Variants in SIPA1L1 observed in about 807,000 individuals in gnomAD.
SIPA1L1 encodes signal induced proliferation associated 1 like 1.
Under a neutral mutation model 162.7 loss-of-function variants are expected in SIPA1L1, and 26 were observed. The ratio of observed to expected loss-of-function variants is 0.16; its 90% CI spans 0.12 to 0.22. The LOEUF (loss-of-function observed/expected upper bound fraction) is 0.22, where lower values mean the gene tolerates loss of function less well. SIPA1L1 is among the 10% of genes least tolerant of loss of function. SIPA1L1 has a pLI of 1.00. For missense variants in SIPA1L1, 1,874 were observed against 2,241.0 expected, an observed-to-expected ratio of 0.84 and a Z score of 3.31; for synonymous variants, 829 against 837.4, an observed-to-expected ratio of 0.99 and a Z score of 0.17.
chr14:71,708,051 A>T (rs2082601480), intron 16 of SIPA1L1, among the ~76,000 whole-genome samples: 2 of 135,708 alleles, frequency 1.5e-5, no homozygotes, highest in South Asian at 2.3e-4. Flanking sequence ...TTTTTTGGAG[A>T]AATGTCTATT....
intron 2 of SIPA1L1, among the ~76,000 whole-genome samples, chr14:71,461,080 C>G (rs1252537861): frequency 2.0e-5 from 3 of 152,178 alleles, no homozygotes; most frequent in Non-Finnish European, 4.4e-5. Context: ...CATGAGTCTA[C>G]AGATAGTAGT....
chr14:71,658,638 C>T (rs1297471493), intron 9 of SIPA1L1, among the ~76,000 whole-genome samples: 1 of 152,204 alleles, frequency 6.6e-6, no homozygotes, highest in Admixed American at 6.5e-5. Flanking sequence ...TAACAGCCAG[C>T]TGGATGCCTT....
intron 4 of SIPA1L1, among the ~76,000 whole-genome samples, chr14:71,570,648 A>C (rs1046915975): frequency 6.6e-6 from 1 of 152,222 alleles, no homozygotes; most frequent in African/African-American, 2.4e-5. Context: ...TAGCATGTAA[A>C]AGACAGTGAT....
In SIPA1L1 at chr14:71,589,169, A is replaced by C. The variant is rs773783776; in HGVS notation, c.1297A>C (p.Lys433Gln). ...GEGERKISLSKSNSGSFSGCE... is the reference protein window; with the variant it reads ...GEGERKISLSQSNSGSFSGCE... ...AGGGGAGAGGAAAATCAGCCTTTCA[A>C]AATCAAATTCTGGCTCCTTTAGTGG... Residue 433 changes from lysine (K) to glutamine (Q), a missense_variant, in exon 5 of 24, where the codon AAA (lysine) becomes CAA (glutamine). By Grantham distance (53) the Lys-to-Gln change is moderately conservative. This residue lies in a region of SIPA1L1 where 685 missense variants were observed against 828.0 expected (regional missense o/e 0.83). Transcript: ENST00000381232. 6.2e-7 allele frequency: 1 copy of C among 1,614,114 alleles called. No homozygotes were observed.
intron 2 of SIPA1L1, among the ~76,000 whole-genome samples, chr14:71,399,968 G>T (rs372890528): frequency 2.6e-5 from 4 of 151,756 alleles, no homozygotes; most frequent in Non-Finnish European, 5.9e-5. Context: ...TGATCCACCC[G>T]CCTCGGCCTC....
At chr14:71,543,844 A>ATATG (rs377178035) in intron 4 of SIPA1L1, among the ~76,000 whole-genome samples, 151 of 144,638 alleles carry the variant, frequency 1.0e-3, no homozygotes, top group Non-Finnish European at 1.8e-3. Flanking sequence ...TATCATATGT[A>ATATG]TGTGTATATA....
Position 71,739,625 on chromosome 14 carries a change from A to G in SIPA1L1, c.*464A>G, listed in dbSNP as rs1221224426. On this transcript the variant is annotated 3_prime_UTR_variant, in exon 24 of 24. Transcript: ENST00000381232. ...ACTTGTTTGGGGAGTAGAGAGGGAT[A>G]TTTCCTTACCTTCTTCCCTAAAATG... 1 of 152,330 alleles carries G rather than the reference A, an allele frequency of 6.6e-6. No homozygotes were observed. Among genetic ancestry groups the G allele is most frequent in the Non-Finnish European group, 1.5e-5 (1 of 68,144 alleles). The allele number at this position is 152,330 out of a possible 1,614,324, so 9.4% of individuals were successfully genotyped here.
In SIPA1L1 at chr14:71,575,453, A is replaced by G. The variant is rs1470635854; in HGVS notation, c.-302-12118A>G. Among the ~76,000 whole-genome samples the G allele has an allele frequency of 2.6e-5, 4 of 152,192 alleles. No homozygotes were observed. In the East Asian group the frequency reaches 5.8e-4, roughly 22 times the overall value. On this transcript the variant is annotated intron_variant, in intron 4 of 23. Coordinates refer to ENST00000381232, the MANE Select transcript of SIPA1L1 (RefSeq NM_001386936.1). ...TCAATTATTAAAATTTTCAGTAAGCATATAACCGGGTTCAAAAATGACTGA... is the reference window on the plus strand; with the variant it reads ...TCAATTATTAAAATTTTCAGTAAGCGTATAACCGGGTTCAAAAATGACTGA...
intron 2 of SIPA1L1, among the ~76,000 whole-genome samples, chr14:71,506,560 C>T (rs892934945): frequency 2.0e-5 from 3 of 152,032 alleles, no homozygotes; most frequent in East Asian, 1.9e-4. Flanking sequence ...AGACAGGTCT[C>T]GAACTCTTGA....
rs56861516 is a variant in SIPA1L1 at position 71,568,408 on chromosome 14, C to T, written c.-302-19163C>T. On this transcript the variant is annotated intron_variant, in intron 4 of 23. Coordinates refer to ENST00000381232, the MANE Select transcript of SIPA1L1 (RefSeq NM_001386936.1). ...ATAGAGGAGCTCAGTCAGAAAGCAT[C>T]AGTATGGTGAGGGCCATTCACAAGC... Among the ~76,000 whole-genome samples, 589 of 152,260 alleles carry T rather than the reference C, an allele frequency of 3.9e-3. 6 individuals carry two copies. The highest frequency in any genetic ancestry group is 0.014 in the African/African-American group (568 of 41,552).
chr14:71,501,383 T>C (rs902598705), intron 2 of SIPA1L1, among the ~76,000 whole-genome samples: 1 of 152,036 alleles, frequency 6.6e-6, no homozygotes, highest in African/African-American at 2.4e-5. Context: ...TGAAATCCTC[T>C]GTAGTATTTT....
intron 2 of SIPA1L1, among the ~76,000 whole-genome samples, chr14:71,330,099 A>T (rs991715230): frequency 6.6e-6 from 1 of 152,218 alleles, no homozygotes; most frequent in Non-Finnish European, 1.5e-5. Flanking sequence ...TTTCCTAACT[A>T]GGTTCCTCAT....
At chr14:71,473,699 T>A (rs1432783406) in intron 2 of SIPA1L1, among the ~76,000 whole-genome samples, 1 of 152,198 alleles carries the variant, frequency 6.6e-6, no homozygotes, top group East Asian at 1.9e-4. Flanking sequence ...CTTTCTCTTT[T>A]ATATAATGGT....
intron 2 of SIPA1L1, among the ~76,000 whole-genome samples, chr14:71,503,611 G>C (rs1043406646): frequency 2.6e-5 from 4 of 152,034 alleles, no homozygotes; most frequent in Middle Eastern, 3.2e-3. Context: ...AATGTTTCTA[G>C]ACAACCCATT....
At chr14:71,424,505 G>C (rs2043417745) in intron 2 of SIPA1L1, among the ~76,000 whole-genome samples, 2 of 151,992 alleles carry the variant, frequency 1.3e-5, no homozygotes, top group Non-Finnish European at 2.9e-5. Flanking sequence ...AATTTTAACA[G>C]ATGCTTTTTC....
At chr14:71,391,103 C>CTTTTTTT (rs36003254) in intron 2 of SIPA1L1, among the ~76,000 whole-genome samples, 4 of 108,458 alleles carry the variant, frequency 3.7e-5, no homozygotes, top group Non-Finnish European at 5.4e-5. Flanking sequence ...TATTCAGTAT[C>CTTTTTTT]TTTTTTTTTT....
intron 13 of SIPA1L1, among the ~76,000 whole-genome samples, chr14:71,687,237 A>T (rs995570240): frequency 2.6e-5 from 4 of 152,214 alleles, no homozygotes; most frequent in Admixed American, 2.6e-4. Flanking sequence ...TTCCTCTCCC[A>T]TAGTGGCCCC....
At chr14:71,680,345 G>A (rs1412129747) in intron 12 of SIPA1L1, among the ~76,000 whole-genome samples, 1 of 152,184 alleles carries the variant, frequency 6.6e-6, no homozygotes, top group East Asian at 1.9e-4. Context: ...ATAACGAAAT[G>A]AAGGCAGAAA....
intron 2 of SIPA1L1, among the ~76,000 whole-genome samples, chr14:71,495,909 AAAAAG>A (rs1278329634): frequency 4.7e-5 from 5 of 106,642 alleles, no homozygotes; most frequent in Non-Finnish European, 7.5e-5. Flanking sequence ...AAAAAAAAAA[AAAAAG>A]AAGAAGAAAG....
Sources: allele counts gnomAD v4.1 joint callset (sites outside exome capture counted in the v4.1 genomes callset), GRCh38; gene constraint gnomAD v4.1.1; regional missense constraint gnomAD v4.1.1; transcripts MANE v1.5; gene names NCBI Gene and HGNC (gene_info 2026-07-23, HGNC 2026-07-21).